CTNNA2: variants seen among roughly 807,000 people sequenced by gnomAD.
CTNNA2 encodes the protein catenin alpha-2.
In CTNNA2, 42 loss-of-function variants were observed where a neutral mutation model predicts 101.0. That is an observed-to-expected ratio of 0.42 (90% confidence interval 0.32 to 0.54). The LOEUF (loss-of-function observed/expected upper bound fraction) is 0.54, where lower values mean the gene tolerates loss of function less well. Ranked by LOEUF, CTNNA2 falls within the 20% of genes least tolerant of loss-of-function variation. The pLI, the probability that CTNNA2 is intolerant of heterozygous loss-of-function variation, is 0.14. For synonymous variants in CTNNA2, 450 were observed against 456.4 expected (o/e 0.99, Z 0.18); for missense variants, 871 against 1,223.1 (o/e 0.71, Z 4.29).
At chr2:80,211,113 T>G (rs1283723210) in intron 7 of CTNNA2, among the ~76,000 whole-genome samples, 1 of 152,234 alleles carries the variant, frequency 6.6e-6, no homozygotes, top group Non-Finnish European at 1.5e-5. Context: ...ATTCTGGATA[T>G]TAGCCCCTTG....
chr2:79,554,036 A>G (rs1038383806), intron 1 of CTNNA2, among the ~76,000 whole-genome samples: 3 of 152,148 alleles, frequency 2.0e-5, no homozygotes, highest in Non-Finnish European at 4.4e-5. Flanking sequence ...TTCACACTAC[A>G]AATAGATTTG....
chr2:80,361,263 A>G (rs1674379153), intron 7 of CTNNA2, among the ~76,000 whole-genome samples: 1 of 152,132 alleles, frequency 6.6e-6, no homozygotes, highest in South Asian at 2.1e-4. Context: ...TCATGAGGAA[A>G]TAGAAATGCA....
At chr2:79,838,662 G>C (rs1679568954) in intron 3 of CTNNA2, among the ~76,000 whole-genome samples, 1 of 151,996 alleles carries the variant, frequency 6.6e-6, no homozygotes, top group Admixed American at 6.6e-5. Flanking sequence ...ACAAGAAACT[G>C]GGGAACTTAC....
At chr2:80,372,228 A>G in intron 7 of CTNNA2, among the ~76,000 whole-genome samples, 1 of 152,150 alleles carries the variant, frequency 6.6e-6, no homozygotes, top group South Asian at 2.1e-4. Context: ...TCATGACTAT[A>G]GGATGGATGC....
At chr2:80,441,699 A>G (rs1000635507) in intron 9 of CTNNA2, among the ~76,000 whole-genome samples, 15 of 152,212 alleles carry the variant, frequency 9.9e-5, no homozygotes, top group African/African-American at 3.6e-4. Flanking sequence ...ATAATATGTT[A>G]GGCAAGCAAT....
chr2:79,525,518 A>G (rs1217008732), intron 1 of CTNNA2, among the ~76,000 whole-genome samples: 1 of 151,940 alleles, frequency 6.6e-6, no homozygotes, highest in Non-Finnish European at 1.5e-5. Flanking sequence ...TGCAAAAGTA[A>G]TTGCTGTTTT....
chr2:80,435,692 A>G (rs1681962021), intron 9 of CTNNA2, among the ~76,000 whole-genome samples: 1 of 152,204 alleles, frequency 6.6e-6, no homozygotes, highest in African/African-American at 2.4e-5. Context: ...TATCACCCAT[A>G]AAGTTGAGGA....
At chr2:79,205,884 G>A (rs1041351241) in intron 2 of CTNNA2, among the ~76,000 whole-genome samples, 4 of 152,202 alleles carry the variant, frequency 2.6e-5, no homozygotes, top group African/African-American at 9.7e-5. Flanking sequence ...GGGAGAGGAA[G>A]TAATTTGTCT....
intron 3 of CTNNA2, among the ~76,000 whole-genome samples, chr2:79,323,970 A>G (rs1676684997): frequency 6.6e-6 from 1 of 152,190 alleles, no homozygotes; most frequent in Non-Finnish European, 1.5e-5. Flanking sequence ...AGAGAAGAGG[A>G]AAGTAAGCCT....
Position 80,303,028 on chromosome 2 carries a change from C to G in CTNNA2, c.1057-90183C>G. 6.2e-7 allele frequency: 1 copy of G among 1,613,714 alleles called. No individual in the cohort carries two copies. The highest frequency in any genetic ancestry group is 8.5e-7 in the Non-Finnish European group (1 of 1,179,970). On this transcript the variant is annotated intron_variant, in intron 7 of 18. Transcript: ENST00000402739. This position sits in a 1 kb window ranked among gnomAD's most constrained non-coding sequence, Gnocchi z 7.7. ...GCTCCATGTACTCGATCTCGTTGCC[C>G]GACAAGTCCATTTTCTCCAGGTTCC... is the stretch of plus-strand genomic sequence containing the variant.
intron 9 of CTNNA2, among the ~76,000 whole-genome samples, chr2:80,523,717 T>G (rs1390457958): frequency 2.0e-5 from 3 of 152,118 alleles, no homozygotes; most frequent in Admixed American, 6.5e-5. Flanking sequence ...TCAGTATATT[T>G]CATGCTAAGG....
At chr2:79,520,078 A>T (rs1672022473) in intron 1 of CTNNA2, among the ~76,000 whole-genome samples, 1 of 152,192 alleles carries the variant, frequency 6.6e-6, no homozygotes, top group South Asian at 2.1e-4. Flanking sequence ...CTTCCTACCA[A>T]TCCAGCTCCA....
At chr2:80,214,995 A>G (rs1031937462) in intron 7 of CTNNA2, among the ~76,000 whole-genome samples, 1 of 151,886 alleles carries the variant, frequency 6.6e-6, no homozygotes, top group Non-Finnish European at 1.5e-5. Context: ...TTCTCGCTTC[A>G]TTTCATTCAT....
chr2:80,411,889 A>G (rs537464938), intron 8 of CTNNA2, among the ~76,000 whole-genome samples: 32 of 152,312 alleles, frequency 2.1e-4, no homozygotes, highest in Middle Eastern at 3.4e-3. Context: ...CACTAAATGA[A>G]GATTGCTATT....
chr2:80,456,086 T>C (rs925400581), intron 9 of CTNNA2, among the ~76,000 whole-genome samples: 1 of 152,196 alleles, frequency 6.6e-6, no homozygotes, highest in Non-Finnish European at 1.5e-5. Context: ...GATTTTGAGT[T>C]GAAGATATGG....
chr2:80,012,763 G>C (rs1475651960), intron 7 of CTNNA2, among the ~76,000 whole-genome samples: 1 of 152,138 alleles, frequency 6.6e-6, no homozygotes, highest in Non-Finnish European at 1.5e-5. Context: ...CTCCAATTTA[G>C]TCTTTCCTTA....
chr2:79,663,635 CT>C lies in CTNNA2; in HGVS notation c.102+11986del, dbSNP rs557692307. Among the ~76,000 whole-genome samples, 519 of 151,838 alleles carry C rather than the reference CT, an allele frequency of 3.4e-3. 5 individuals carry two copies. Among genetic ancestry groups the C allele is most frequent in the South Asian group, 0.027 (130 of 4,794 alleles). ...CTCACAGAGACCTTTTCTGACCACT[CT>C]TTTTTTTTAAAGTACATGCCTCCTG... On this transcript the variant is annotated intron_variant, in intron 2 of 18. Transcript: ENST00000402739.
At chr2:80,364,011 C>A (rs1248215137) in intron 7 of CTNNA2, among the ~76,000 whole-genome samples, 1 of 152,206 alleles carries the variant, frequency 6.6e-6, no homozygotes, top group South Asian at 2.1e-4. Context: ...TGGTTCCTAG[C>A]GTTTACTGCA....
At chr2:79,428,490 T>A (rs1321875060) in intron 4 of CTNNA2, among the ~76,000 whole-genome samples, 2 of 152,040 alleles carry the variant, frequency 1.3e-5, no homozygotes, top group African/African-American at 2.4e-5. Flanking sequence ...CAATTACAGA[T>A]CAAGTTCAGA....
Sources: gnomAD v4.1 joint callset for allele counts (sites outside exome capture counted in the v4.1 genomes callset) on GRCh38, gnomAD v4.1.1 for gene constraint, Gnocchi (gnomAD v3.1) non-coding constraint, MANE v1.5 for transcripts, NCBI Gene and HGNC (gene_info 2026-07-23, HGNC 2026-07-21) for gene names.